CAMTA1: variants seen among roughly 807,000 people sequenced by gnomAD.
The protein encoded by CAMTA1 is calmodulin-binding transcription activator 1.
Under a neutral mutation model 170.9 loss-of-function variants are expected in CAMTA1, and 27 were observed. That is an observed-to-expected ratio of 0.16 (90% confidence interval 0.12 to 0.22). The LOEUF is 0.22. Among genes scored for constraint, CAMTA1 ranks in the 10% least tolerant of loss-of-function variants. CAMTA1 has a pLI of 1.00. For synonymous variants in CAMTA1, 833 were observed against 891.5 expected (o/e 0.93, Z 1.17); for missense variants, 1,619 against 2,217.2 (o/e 0.73, Z 5.42).
At chr1:7,551,869 C>T (rs998283821) in intron 6 of CAMTA1, among the ~76,000 whole-genome samples, 6 of 152,202 alleles carry the variant, frequency 3.9e-5, no homozygotes, top group African/African-American at 1.2e-4. Context: ...ATGGCCTCAG[C>T]ACAGAACCAA....
chr1:7,564,156 G>A (rs2095001676), intron 6 of CAMTA1, among the ~76,000 whole-genome samples: 1 of 152,170 alleles, frequency 6.6e-6, no homozygotes, highest in Non-Finnish European at 1.5e-5. Flanking sequence ...CCCCTCCTGG[G>A]GTGCACCCCT....
intron 4 of CAMTA1, among the ~76,000 whole-genome samples, chr1:7,131,143 G>A (rs891962119): frequency 5.9e-5 from 9 of 151,918 alleles, no homozygotes; most frequent in African/African-American, 1.9e-4. Context: ...TAGTAGAGAC[G>A]GGGTTTCACC....
At chr1:7,539,064 A>G (rs1321891722) in intron 6 of CAMTA1, among the ~76,000 whole-genome samples, 2 of 152,222 alleles carry the variant, frequency 1.3e-5, no homozygotes, top group African/African-American at 4.8e-5. Context: ...TGCCACCCTC[A>G]GGGCCAGGGT....
intron 4 of CAMTA1, among the ~76,000 whole-genome samples, chr1:7,100,255 G>A (rs545805947): frequency 4.9e-4 from 75 of 152,274 alleles, no homozygotes; most frequent in African/African-American, 1.8e-3. Context: ...ATGTGTTGGC[G>A]TCTCTTATCC....
At chr1:6,919,808 T>C (rs1201505752) in intron 3 of CAMTA1, among the ~76,000 whole-genome samples, 1 of 152,144 alleles carries the variant, frequency 6.6e-6, no homozygotes. Flanking sequence ...CTCCCCCTTA[T>C]AATACTGTCG....
intron 4 of CAMTA1, among the ~76,000 whole-genome samples, chr1:7,238,363 T>C (rs1664270106): frequency 6.6e-6 from 1 of 152,206 alleles, no homozygotes; most frequent in South Asian, 2.1e-4. Flanking sequence ...CTTGAAAATT[T>C]GCTTAACCAC....
At chr1:7,411,864 C>G (rs536948719) in intron 5 of CAMTA1, among the ~76,000 whole-genome samples, 1 of 151,278 alleles carries the variant, frequency 6.6e-6, no homozygotes, top group South Asian at 2.1e-4. Context: ...ACCATTAACT[C>G]GTCATTTAGC....
chr1:7,693,325 C>A (rs2096339425), intron 11 of CAMTA1: 5 of 152,196 alleles, frequency 3.3e-5, no homozygotes, highest in Admixed American at 3.3e-4. Flanking sequence ...GAGAACAACA[C>A]AGGAAAGACT....
chr1:6,801,133 A>ATTCT (rs1643757793), intron 1 of CAMTA1, among the ~76,000 whole-genome samples: 1 of 152,218 alleles, frequency 6.6e-6, no homozygotes, highest in Non-Finnish European at 1.5e-5. Flanking sequence ...ATCATAGATA[A>ATTCT]CTTGACCAAA....
intron 6 of CAMTA1, among the ~76,000 whole-genome samples, chr1:7,594,571 G>A (rs1029583943): frequency 6.6e-6 from 1 of 152,234 alleles, no homozygotes; most frequent in Non-Finnish European, 1.5e-5. Flanking sequence ...TGCAAAGTCT[G>A]GGCTGGCGGC....
chr1:7,525,533 T>C (rs2094421932), intron 6 of CAMTA1, among the ~76,000 whole-genome samples: 1 of 152,102 alleles, frequency 6.6e-6, no homozygotes, highest in African/African-American at 2.4e-5. Context: ...AGGCAGAGGC[T>C]CACAGAATTG....
chr1:6,893,923 A>G (rs186610249), intron 3 of CAMTA1, among the ~76,000 whole-genome samples: 3 of 152,312 alleles, frequency 2.0e-5, no homozygotes, highest in East Asian at 1.9e-4. Flanking sequence ...ATTTACTCCA[A>G]TGATTAGTGT....
chr1:7,037,005 T>A (rs1479043395), intron 3 of CAMTA1, among the ~76,000 whole-genome samples: 2 of 152,248 alleles, frequency 1.3e-5, no homozygotes, highest in Admixed American at 6.5e-5. Flanking sequence ...CTTCATCGGT[T>A]TTATAATGGG....
At chr1:7,053,592 C>T (rs917296212) in intron 3 of CAMTA1, among the ~76,000 whole-genome samples, 1 of 152,168 alleles carries the variant, frequency 6.6e-6, no homozygotes, top group African/African-American at 2.4e-5. Flanking sequence ...TGCACCCCCA[C>T]CCGCCAGGGC....
rs1650220290 is a variant in CAMTA1, at chr1:7,173,996, T to C, written c.303-75495T>C. Among the ~76,000 whole-genome samples, 1 of 152,036 alleles carries C rather than the reference T, an allele frequency of 6.6e-6. No homozygotes were observed. The highest frequency in any genetic ancestry group is 6.5e-5 in the Admixed American group (1 of 15,270). Reference sequence around the variant, plus strand: ...ACCAAGGTTCCCCCACCCCTACCCTTCAAGATACCTGGGTACCTTTCCTTG... The same window carrying C: ...ACCAAGGTTCCCCCACCCCTACCCTCCAAGATACCTGGGTACCTTTCCTTG... On this transcript the variant is annotated intron_variant, in intron 4 of 22. Transcript: ENST00000303635. This position sits in a 1 kb window ranked among gnomAD's most constrained non-coding sequence, Gnocchi z 5.4.
chr1:7,471,828 C>T (rs931166796), intron 6 of CAMTA1, among the ~76,000 whole-genome samples: 7 of 152,198 alleles, frequency 4.6e-5, no homozygotes, highest in Non-Finnish European at 1.0e-4. Context: ...TTCAGGGCCC[C>T]CTGACCTCCT....
rs146527305 is a variant in CAMTA1 at position 7,268,717 on chromosome 1, C to T, written c.438+19091C>T. 4.9e-3 allele frequency among the ~76,000 whole-genome samples: 747 copies of T among 152,294 alleles called. 6 individuals are homozygous for T. The highest frequency in any genetic ancestry group is 0.02 in the Middle Eastern group (6 of 294). On this transcript the variant is annotated intron_variant, in intron 5 of 22. Coordinates refer to ENST00000303635, the MANE Select transcript of CAMTA1 (RefSeq NM_015215.4). ...TCCAAAATTCTTTAAAGTAAGACAA[C>T]GAAATCCACACTCAACAGTATATCA...
At chr1:7,186,370 A>T (rs1048900388) in intron 4 of CAMTA1, among the ~76,000 whole-genome samples, 1 of 152,250 alleles carries the variant, frequency 6.6e-6, no homozygotes, top group Non-Finnish European at 1.5e-5. Flanking sequence ...ATGAGATAAT[A>T]CCTACAGGTG....
At chr1:7,265,892 A>G (rs567999247) in intron 5 of CAMTA1, among the ~76,000 whole-genome samples, 2 of 152,272 alleles carry the variant, frequency 1.3e-5, no homozygotes, top group East Asian at 3.9e-4. Context: ...CTGACTCATA[A>G]TGAGAAACAG....
Sources: gnomAD v4.1 joint callset for allele counts (sites outside exome capture counted in the v4.1 genomes callset) on GRCh38, gnomAD v4.1.1 for gene constraint, Gnocchi (gnomAD v3.1) non-coding constraint, MANE v1.5 for transcripts, NCBI Gene and HGNC (gene_info 2026-07-23, HGNC 2026-07-21) for gene names.